The following TRPS1 variants were observed in gnomAD, a reference collection of about 807,000 sequenced individuals.
The protein encoded by TRPS1 is transcriptional repressor GATA binding 1, also known as zinc finger transcription factor Trps1.
TRPS1 carries 6 observed loss-of-function variants against 101.2 expected under a neutral mutation model. The ratio of observed to expected loss-of-function variants is 0.06; its 90% CI spans 0.03 to 0.12. TRPS1 has a LOEUF of 0.12. Ranked by LOEUF, TRPS1 falls within the 10% of genes least tolerant of loss-of-function variation. TRPS1 has a pLI of 1.00. For synonymous variants in TRPS1, 578 were observed against 589.8 expected (o/e 0.98, Z 0.29); for missense variants, 1,363 against 1,567.0 (o/e 0.87, Z 2.20).
chr8:115,437,857 G>A (rs1485819882), intron 5 of TRPS1, among the ~76,000 whole-genome samples: 1 of 152,114 alleles, frequency 6.6e-6, no homozygotes, highest in African/African-American at 2.4e-5. Context: ...GATACAGGTC[G>A]GAGTCATAGA....
At chr8:115,598,465 C>G (rs1268538781) in intron 4 of TRPS1, among the ~76,000 whole-genome samples, 1 of 152,070 alleles carries the variant, frequency 6.6e-6, no homozygotes, top group Admixed American at 6.6e-5. Context: ...CACCACTATA[C>G]TCAGATCATG....
At chr8:115,440,082 T>C (rs1053278385) in intron 5 of TRPS1, among the ~76,000 whole-genome samples, 5 of 152,238 alleles carry the variant, frequency 3.3e-5, no homozygotes, top group Non-Finnish European at 5.9e-5. Context: ...GACCTCTGTG[T>C]ACTACGGAAA....
chr8:115,531,155 G>T (rs773468177), intron 5 of TRPS1, among the ~76,000 whole-genome samples: 67 of 152,054 alleles, frequency 4.4e-4, no homozygotes, highest in Non-Finnish European at 9.6e-4. Context: ...CTTTTGATTT[G>T]TTAATTTTAT....
intron 3 of TRPS1, among the ~76,000 whole-genome samples, chr8:115,607,297 A>G (rs1475682478): frequency 6.6e-6 from 1 of 152,136 alleles, no homozygotes; most frequent in African/African-American, 2.4e-5. Context: ...AATCAATACT[A>G]TCAGGAGAAG....
chr8:115,474,608 A>G (rs1400070944), intron 5 of TRPS1, among the ~76,000 whole-genome samples: 2 of 152,140 alleles, frequency 1.3e-5, no homozygotes, highest in Non-Finnish European at 2.9e-5. Context: ...GTCTGTATTT[A>G]AAAGTGGGCA....
At chr8:115,463,834 T>C (rs1160026476) in intron 5 of TRPS1, among the ~76,000 whole-genome samples, 1 of 151,980 alleles carries the variant, frequency 6.6e-6, no homozygotes, top group African/African-American at 2.4e-5. Context: ...AAATGTAGTG[T>C]TAACCACAGC....
At chr8:115,448,179 A>T (rs1461942626) in intron 5 of TRPS1, among the ~76,000 whole-genome samples, 3 of 152,224 alleles carry the variant, frequency 2.0e-5, no homozygotes, top group Non-Finnish European at 4.4e-5. Flanking sequence ...GTTCAGGAAG[A>T]CTGCAAACAG....
intron 5 of TRPS1, among the ~76,000 whole-genome samples, chr8:115,576,725 C>A (rs950807676): frequency 3.6e-4 from 55 of 152,128 alleles, no homozygotes; most frequent in African/African-American, 1.3e-3. Flanking sequence ...GTGGAGCATA[C>A]CTACCTCCAA....
intron 5 of TRPS1, among the ~76,000 whole-genome samples, chr8:115,498,102 G>T (rs1246886426): frequency 6.6e-6 from 1 of 152,100 alleles, no homozygotes; most frequent in Non-Finnish European, 1.5e-5. Flanking sequence ...TATAGGCTGG[G>T]TGTGGTGGCT....
chr8:115,583,281 CTT>C (rs1258173141), intron 5 of TRPS1, among the ~76,000 whole-genome samples: 8 of 145,712 alleles, frequency 5.5e-5, no homozygotes, highest in African/African-American at 2.1e-4. Context: ...AAAAAAAAAA[CTT>C]GTCAGAAAAG....
intron 5 of TRPS1, among the ~76,000 whole-genome samples, chr8:115,566,262 A>C (rs1339478104): frequency 6.6e-6 from 1 of 152,170 alleles, no homozygotes; most frequent in African/African-American, 2.4e-5. Context: ...GAAGAGCCTA[A>C]AGTCACTAAA....
At chr8:115,535,395 CGCATATATATA>C (rs1449788944) in intron 5 of TRPS1, among the ~76,000 whole-genome samples, 10 of 144,696 alleles carry the variant, frequency 6.9e-5, no homozygotes, top group South Asian at 2.2e-4. Flanking sequence ...ACATATATAG[CGCATATATATA>C]GCATATATAG....
intron 5 of TRPS1, among the ~76,000 whole-genome samples, chr8:115,493,072 C>A (rs1815067394): frequency 1.3e-5 from 2 of 152,028 alleles, no homozygotes; most frequent in Non-Finnish European, 2.9e-5. Flanking sequence ...AAAGACTGGT[C>A]AAGTCTGTAA....
At chr8:115,459,760 G>A (rs1413891813) in intron 5 of TRPS1, among the ~76,000 whole-genome samples, 1 of 152,136 alleles carries the variant, frequency 6.6e-6, no homozygotes, top group African/African-American at 2.4e-5. Context: ...TTTCCCATAT[G>A]TAGAACATAA....
chr8:115,605,855 T>C (rs1434347727), intron 3 of TRPS1, among the ~76,000 whole-genome samples: 1 of 152,184 alleles, frequency 6.6e-6, no homozygotes, highest in Non-Finnish European at 1.5e-5. Flanking sequence ...ATCAGGACTA[T>C]GAAAGCCTTC....
intron 5 of TRPS1, among the ~76,000 whole-genome samples, chr8:115,547,554 A>G (rs771760644): frequency 3.3e-4 from 50 of 152,168 alleles, no homozygotes; most frequent in Non-Finnish European, 1.3e-4. Context: ...TAGTGTTTCA[A>G]ATAGAAGGCA....
At position 115,587,260 on chromosome 8, in the gene TRPS1, C is replaced by A. The variant is rs146506752; in HGVS notation, c.2441G>T (p.Arg814Leu). Reference protein sequence around the residue: ...NVTWRGADILRGSPSYTQASL... With the variant: ...NVTWRGADILLGSPSYTQASL... ...TGCTTGGGTGTATGACGGACTCCCCCGCAGGATGTCTGCCCCTCTCCAAGT... is the reference window on the plus strand; with the variant it reads ...TGCTTGGGTGTATGACGGACTCCCCAGCAGGATGTCTGCCCCTCTCCAAGT... The change falls in exon 5 of 7, where the codon CGG becomes CTG. Residue 814 changes from arginine (R) to leucine (L), a missense_variant. Transcript: ENST00000395715. 2.7e-4 allele frequency: 441 copies of A among 1,614,208 alleles called. 6 individuals carry two copies. The East Asian group carries it at 9.6e-3, about 35-fold the overall frequency.
chr8:115,616,411 A>G (rs879722581), intron 3 of TRPS1, among the ~76,000 whole-genome samples: 1 of 152,116 alleles, frequency 6.6e-6, no homozygotes, highest in Non-Finnish European at 1.5e-5. Flanking sequence ...TCCCAACTGT[A>G]TATCTCATAT....
At chr8:115,441,888 A>G (rs2129882433) in intron 5 of TRPS1, among the ~76,000 whole-genome samples, 1 of 142,982 alleles carries the variant, frequency 7.0e-6, no homozygotes, top group South Asian at 2.3e-4. Flanking sequence ...AGAGAGAGAG[A>G]GAGAGAGAGA....
Sources: allele counts gnomAD v4.1 joint callset (sites outside exome capture counted in the v4.1 genomes callset), GRCh38; gene constraint gnomAD v4.1.1; transcripts MANE v1.5; gene names NCBI Gene and HGNC (gene_info 2026-07-23, HGNC 2026-07-21).